The following ABCA9 variants were observed in gnomAD, a reference collection of about 807,000 sequenced individuals.
ABCA9 encodes the protein ATP binding cassette subfamily A member 9, also known as ATP-binding cassette sub-family A member 9.
ABCA9 carries 183 observed loss-of-function variants against 205.3 expected under a neutral mutation model. The observed-to-expected ratio is 0.89, with a 90% CI of 0.79 to 1.01. The LOEUF (loss-of-function observed/expected upper bound fraction) is 1.01, where lower values mean the gene tolerates loss of function less well. Ranked by LOEUF, ABCA9 falls within the 50% of genes least tolerant of loss-of-function variation. The probability of loss-of-function intolerance (pLI) is 0.00; values close to 1 mark genes in which losing one functional copy is unlikely to be tolerated. For missense variants in ABCA9, 1,805 were observed against 1,912.4 expected (o/e 0.94, Z 1.05); for synonymous variants, 651 against 683.3 (o/e 0.95, Z 0.74).
chr17:69,055,083 G>C (rs1271620436), intron 1 of ABCA9, among the ~76,000 whole-genome samples: 1 of 152,066 alleles, frequency 6.6e-6, no homozygotes, highest in Non-Finnish European at 1.5e-5. Flanking sequence ...ACCAAAAATA[G>C]AATTGAAGAC....
At chr17:69,064,440 A>G (rs1466596113), upstream of ABCA9, among the ~76,000 whole-genome samples, 2 of 152,184 alleles carry the variant, frequency 1.3e-5, no homozygotes, top group African/African-American at 4.8e-5. Context: ...TACACCCGTT[A>G]GCATATTTGA....
the ABCA9 span, among the ~76,000 whole-genome samples, chr17:69,074,029 A>G: frequency 6.6e-6 from 1 of 152,060 alleles, no homozygotes; most frequent in Non-Finnish European, 1.5e-5. Flanking sequence ...ATAACCAGGT[A>G]TTGTGATTTA....
In ABCA9 at chr17:69,049,275, G is replaced by T; in HGVS notation, c.304+8C>A. On this transcript the variant is annotated splice_region_variant and intron_variant, in intron 3 of 38. Coordinates refer to ENST00000340001, the MANE Select transcript of ABCA9 (RefSeq NM_080283.4). ...AAGGAAATTACTATGAACAACCAGG[G>T]AACATACCTTTTAGGAATGGGGCTG... 1 of 1,602,078 alleles carries T rather than the reference G, an allele frequency of 6.2e-7. No homozygotes were observed. Among genetic ancestry groups the T allele is most frequent in the Non-Finnish European group, 8.5e-7 (1 of 1,171,454 alleles).
intron 5 of ABCA9, 133 bp from the exon 6 acceptor site, chr17:69,043,848 G>A (rs976165039): frequency 3.9e-6 from 3 of 769,094 alleles, no homozygotes; most frequent in South Asian, 2.0e-5. Context: ...TCATGATCTG[G>A]CCCCTTGTGG....
Position 69,037,811 on chromosome 17 carries a change from A to G in ABCA9, c.801-2010T>C, listed in dbSNP as rs1205777769. Among the ~76,000 whole-genome samples, 5 of 152,192 alleles carry G rather than the reference A, an allele frequency of 3.3e-5. 1 individual carries two copies. The highest frequency in any genetic ancestry group is 7.4e-5 in the Non-Finnish European group (5 of 68,024). The stretch of plus-strand genomic sequence containing the variant: ...TTTTTAAAAGATTAACAAAATAGAT[A>G]GACTTCTAGTCAGACTAATAAAGAA... On this transcript the variant is annotated intron_variant, in intron 6 of 38. Transcript: ENST00000340001.
intron 1 of ABCA9, among the ~76,000 whole-genome samples, chr17:69,057,569 A>G (rs1598420806): frequency 6.6e-6 from 1 of 152,354 alleles, no homozygotes; most frequent in Non-Finnish European, 1.5e-5. Context: ...GCAGAGAACA[A>G]ACAAAGAATT....
intron 31 of ABCA9, among the ~76,000 whole-genome samples, chr17:68,988,042 GC>G (rs2069304927): frequency 6.6e-6 from 1 of 152,186 alleles, no homozygotes; most frequent in Non-Finnish European, 1.5e-5. Context: ...GGGATTACAG[GC>G]AGGAGCCACC....
chr17:69,013,610 T>G (rs570449273), intron 22 of ABCA9, among the ~76,000 whole-genome samples: 4 of 152,228 alleles, frequency 2.6e-5, no homozygotes, highest in African/African-American at 9.6e-5. Flanking sequence ...AAATGACATA[T>G]TATGTCTGTG....
intron 2 of ABCA9, among the ~76,000 whole-genome samples, chr17:69,049,738 C>T (rs544496657): frequency 6.6e-6 from 1 of 152,072 alleles, no homozygotes; most frequent in Non-Finnish European, 1.5e-5. Flanking sequence ...GTTTACCACA[C>T]TCTAGTGCAA....
chr17:69,025,234 AT>A (rs536115592), intron 16 of ABCA9, among the ~76,000 whole-genome samples: 216 of 152,258 alleles, frequency 1.4e-3, no homozygotes, highest in African/African-American at 4.4e-3. Flanking sequence ...TTCACTCAAT[AT>A]TTCTTAGCCT....
intron 25 of ABCA9, among the ~76,000 whole-genome samples, chr17:69,007,398 C>G (rs1469804841): frequency 6.6e-6 from 1 of 151,888 alleles, no homozygotes; most frequent in East Asian, 1.9e-4. Context: ...GAGACTCTGT[C>G]TCAGAAAGAA....
At position 68,975,102 on chromosome 17, in the gene ABCA9, T is replaced by C. The variant is rs1306197950; in HGVS notation, c.*813A>G. On this transcript the variant is annotated 3_prime_UTR_variant, in exon 39 of 39. Coordinates refer to ENST00000340001, the MANE Select transcript of ABCA9 (RefSeq NM_080283.4). ...CCCACTTATGAGTGAGAACATGCGGTGTTTGGTTTTCTGTTCCTGTGTTAG... is the reference window on the plus strand; with the variant it reads ...CCCACTTATGAGTGAGAACATGCGGCGTTTGGTTTTCTGTTCCTGTGTTAG... 6.6e-6 allele frequency: 1 copy of C among 151,640 alleles called. No homozygotes were observed. The highest frequency in any genetic ancestry group is 2.4e-5 in the African/African-American group (1 of 41,242). The allele number at this position is 151,640 out of a possible 1,614,324, so 9.4% of individuals were successfully genotyped here. A position where few individuals can be genotyped will look rare whatever the true frequency, so the allele number is the denominator to read the frequency against.
intron 3 of ABCA9, among the ~76,000 whole-genome samples, chr17:69,046,313 C>T (rs1415779338): frequency 6.6e-6 from 1 of 152,176 alleles, no homozygotes; most frequent in Non-Finnish European, 1.5e-5. Flanking sequence ...CCTCCTGGTG[C>T]AATTCAGCAA....
intron 37 of ABCA9, 96 bp from the exon 38 acceptor site, chr17:68,976,286 A>T: frequency 9.8e-7 from 1 of 1,015,852 alleles, no homozygotes; most frequent in Admixed American, 2.1e-5. Flanking sequence ...GATCTTAAAC[A>T]TAAAAGATAA....
intron 6 of ABCA9, among the ~76,000 whole-genome samples, chr17:69,041,583 A>C (rs1004819792): frequency 3.9e-5 from 6 of 152,100 alleles, no homozygotes; most frequent in African/African-American, 1.4e-4. Flanking sequence ...ACTCGCCTGT[A>C]GTCACAACTA....
At chr17:69,022,709 A>G (rs2070860284) in intron 17 of ABCA9, among the ~76,000 whole-genome samples, 1 of 150,222 alleles carries the variant, frequency 6.7e-6, no homozygotes, top group African/African-American at 2.5e-5. Flanking sequence ...ATATGTATGT[A>G]ACTTTGCACC....
chr17:69,016,110 A>C, intron 22 of ABCA9, 143 bp downstream of exon 22: 1 of 251,492 alleles, frequency 4.0e-6, no homozygotes, highest in Non-Finnish European at 7.1e-6. Context: ...GTGTATATAT[A>C]TATATATATA....
intron 6 of ABCA9, among the ~76,000 whole-genome samples, chr17:69,042,066 G>A (rs898867983): frequency 1.3e-5 from 2 of 152,080 alleles, no homozygotes; most frequent in African/African-American, 4.8e-5. Context: ...ATTTCTTTCT[G>A]ACTCCAGAAC....
chr17:68,984,165 G>A lies in ABCA9; in HGVS notation c.4390C>T (p.Arg1464Trp), dbSNP rs374873743. The A allele has an allele frequency of 5.6e-6, 9 of 1,613,860 alleles. No individual in the cohort carries two copies. The highest frequency in any genetic ancestry group is 4.5e-5 in the East Asian group (2 of 44,892). ...CTCTCCGTGTTTCTAAAGGTGGCCC[G>A]AATCACCTGCCTAAAGTTAAGTCAA... ...EGQQQMWQVI[R>W]ATFRNTERGA... Residue 1464 changes from arginine to tryptophan, a missense_variant, in exon 35 of 39, where the codon CGG (arginine) becomes TGG (tryptophan). By Grantham distance (101) the Arg-to-Trp change is moderately radical (BLOSUM62 -3). Coordinates refer to ENST00000340001, the MANE Select transcript of ABCA9 (RefSeq NM_080283.4).
Sources: gnomAD v4.1 joint callset for allele counts (sites outside exome capture counted in the v4.1 genomes callset) on GRCh38, gnomAD v4.1.1 for gene constraint, MANE v1.5 for transcripts, NCBI Gene and HGNC (gene_info 2026-07-23, HGNC 2026-07-21) for gene names.